SH3GL2: variants seen among roughly 807,000 people sequenced by gnomAD.
SH3GL2 encodes the protein SH3 domain containing GRB2 like 2, endophilin A1, also known as endophilin-A1.
Under a neutral mutation model 46.0 loss-of-function variants are expected in SH3GL2, and 24 were observed. The ratio of observed to expected loss-of-function variants is 0.52; its 90% CI spans 0.38 to 0.73. SH3GL2 has a LOEUF of 0.73. Among genes scored for constraint, SH3GL2 ranks in the 30% least tolerant of loss-of-function variants. The pLI, the probability that SH3GL2 is intolerant of heterozygous loss-of-function variation, is 0.00. For missense variants in SH3GL2, 413 were observed against 424.2 expected (o/e 0.97, Z 0.23); for synonymous variants, 196 against 147.1 (o/e 1.33, Z -2.40).
At chr9:17,749,225 C>A (rs1822777546) in intron 2 of SH3GL2, among the ~76,000 whole-genome samples, 1 of 152,204 alleles carries the variant, frequency 6.6e-6, no homozygotes, top group Non-Finnish European at 1.5e-5. Flanking sequence ...AGCTGGTAGC[C>A]ACTAATATCC....
chr9:17,599,753 C>G (rs1396901955), intron 1 of SH3GL2, among the ~76,000 whole-genome samples: 1 of 152,080 alleles, frequency 6.6e-6, no homozygotes, highest in East Asian at 1.9e-4. Flanking sequence ...TGTGTATGTT[C>G]TTTTGGATGG....
intron 1 of SH3GL2, chr9:17,591,448 A>G (rs980887861): frequency 6.6e-6 from 1 of 152,102 alleles, no homozygotes; most frequent in East Asian, 1.9e-4. Flanking sequence ...ACCACCCGAG[A>G]AGGGCAAGGG....
At chr9:17,782,028 T>C (rs1465899124) in intron 3 of SH3GL2, among the ~76,000 whole-genome samples, 4 of 152,166 alleles carry the variant, frequency 2.6e-5, no homozygotes, top group African/African-American at 9.6e-5. Flanking sequence ...CCCCTAGACA[T>C]AGCACTTGCA....
chr9:17,680,631 C>G (rs1054709130), intron 1 of SH3GL2, among the ~76,000 whole-genome samples: 3 of 152,002 alleles, frequency 2.0e-5, no homozygotes, highest in African/African-American at 7.3e-5. Context: ...CTATCTCCTT[C>G]AGTTCTTCTC....
intron 1 of SH3GL2, among the ~76,000 whole-genome samples, chr9:17,669,302 G>C (rs1228225372): frequency 6.6e-6 from 1 of 152,088 alleles, no homozygotes; most frequent in African/African-American, 2.4e-5. Context: ...ATATATGTGT[G>C]TATTTACTTC....
intron 2 of SH3GL2, among the ~76,000 whole-genome samples, chr9:17,758,132 C>G (rs556853781): frequency 6.6e-6 from 1 of 152,168 alleles, no homozygotes; most frequent in African/African-American, 2.4e-5. Flanking sequence ...CTTTTCTCCT[C>G]ATAACACACT....
chr9:17,792,716 T>C (rs1335250370), intron 7 of SH3GL2, among the ~76,000 whole-genome samples: 1 of 152,206 alleles, frequency 6.6e-6, no homozygotes, highest in Non-Finnish European at 1.5e-5. Flanking sequence ...GTGTATCTTT[T>C]AGTTCTCTCC....
intron 1 of SH3GL2, among the ~76,000 whole-genome samples, chr9:17,698,288 C>T (rs1009507594): frequency 1.3e-5 from 2 of 152,146 alleles, no homozygotes; most frequent in South Asian, 2.1e-4. Flanking sequence ...ATTTCTGACT[C>T]ATAAAATGGT....
chr9:17,600,170 T>G (rs1265415380), intron 1 of SH3GL2, among the ~76,000 whole-genome samples: 1 of 152,198 alleles, frequency 6.6e-6, no homozygotes, highest in Non-Finnish European at 1.5e-5. Context: ...TTCATTAAAA[T>G]TACATGAACG....
intron 1 of SH3GL2, among the ~76,000 whole-genome samples, chr9:17,705,211 AGAAT>A (rs1554641910): frequency 3.3e-5 from 5 of 152,162 alleles, no homozygotes; most frequent in Non-Finnish European, 7.4e-5. Flanking sequence ...CACACCAGTC[AGAAT>A]GACTGTTATC....
intron 1 of SH3GL2, among the ~76,000 whole-genome samples, chr9:17,626,765 A>G (rs565804364): frequency 1.9e-4 from 29 of 152,314 alleles, no homozygotes; most frequent in African/African-American, 6.5e-4. Context: ...TCTCCAAAGT[A>G]TGGCCTCCAA....
At chr9:17,770,485 A>G (rs1422754163) in intron 3 of SH3GL2, among the ~76,000 whole-genome samples, 4 of 152,156 alleles carry the variant, frequency 2.6e-5, no homozygotes, top group Non-Finnish European at 5.9e-5. Flanking sequence ...ACAGGTTCAC[A>G]CCCTTATATA....
At chr9:17,653,172 T>A (rs2134669539) in intron 1 of SH3GL2, among the ~76,000 whole-genome samples, 1 of 152,326 alleles carries the variant, frequency 6.6e-6, no homozygotes, top group Non-Finnish European at 1.5e-5. Context: ...TCTATCAGGC[T>A]TATTTTCACT....
At chr9:17,606,756 T>C (rs1818767773) in intron 1 of SH3GL2, among the ~76,000 whole-genome samples, 1 of 152,214 alleles carries the variant, frequency 6.6e-6, no homozygotes, top group Non-Finnish European at 1.5e-5. Flanking sequence ...TGAAACTTAA[T>C]GTTAGTTGTT....
intron 1 of SH3GL2, among the ~76,000 whole-genome samples, chr9:17,610,220 G>A (rs1481651879): frequency 6.6e-6 from 1 of 152,198 alleles, no homozygotes; most frequent in Non-Finnish European, 1.5e-5. Context: ...GTCTGGCGTA[G>A]AGTAAGTGAT....
intron 2 of SH3GL2, among the ~76,000 whole-genome samples, chr9:17,753,372 T>G (rs1440124716): frequency 6.6e-6 from 1 of 152,100 alleles, no homozygotes; most frequent in African/African-American, 2.4e-5. Context: ...CAGCATCTGT[T>G]GTTTTTTGAC....
chr9:17,708,568 A>G (rs1000852789), intron 1 of SH3GL2, among the ~76,000 whole-genome samples: 1 of 152,022 alleles, frequency 6.6e-6, no homozygotes, highest in Non-Finnish European at 1.5e-5. Flanking sequence ...CGATTGCGTT[A>G]TACTTTATTT....
chr9:17,742,187 G>T (rs966379142), intron 1 of SH3GL2, among the ~76,000 whole-genome samples: 1 of 152,152 alleles, frequency 6.6e-6, no homozygotes, highest in African/African-American at 2.4e-5. Context: ...GCAGTTTGGA[G>T]GCACAGTGGT....
chr9:17,588,477 C>A (rs534906474), intron 1 of SH3GL2, among the ~76,000 whole-genome samples: 29 of 152,256 alleles, frequency 1.9e-4, no homozygotes, highest in African/African-American at 7.0e-4. Context: ...AAGGAAAAAT[C>A]AGAGAGATTG....
Sources: allele counts gnomAD v4.1 joint callset (sites outside exome capture counted in the v4.1 genomes callset), GRCh38; gene constraint gnomAD v4.1.1; transcripts MANE v1.5; gene names NCBI Gene and HGNC (gene_info 2026-07-23, HGNC 2026-07-21).